CLASP1: variants seen among roughly 807,000 people sequenced by gnomAD.
CLASP1 encodes the protein CLIP-associating protein 1.
In CLASP1, 38 loss-of-function variants were observed where a neutral mutation model predicts 192.3. The ratio of observed to expected loss-of-function variants is 0.20; its 90% CI spans 0.15 to 0.26. The LOEUF (loss-of-function observed/expected upper bound fraction) is 0.26, where lower values mean the gene tolerates loss of function less well. Ranked by LOEUF, CLASP1 falls within the 10% of genes least tolerant of loss-of-function variation. The pLI is 1.00. For missense variants in CLASP1, 1,433 were observed against 1,932.5 expected (o/e 0.74, Z 4.85); for synonymous variants, 691 against 712.8 (o/e 0.97, Z 0.49).
chr2:121,412,546 G>A (rs2077892988), intron 23 of CLASP1, among the ~76,000 whole-genome samples: 1 of 149,532 alleles, frequency 6.7e-6, no homozygotes, highest in Admixed American at 6.7e-5. Flanking sequence ...TCAATTATAA[G>A]CCATTAAAAA....
intron 2 of CLASP1, among the ~76,000 whole-genome samples, chr2:121,535,848 G>A (rs114916259): frequency 0.038 from 5,728 of 151,914 alleles, 377 homozygotes; most frequent in African/African-American, 0.13. Context: ...CTTTTGTAGA[G>A]GAGAGGTTTT....
chr2:121,641,025 A>AT (rs913709831), intron 1 of CLASP1, among the ~76,000 whole-genome samples: 3 of 152,192 alleles, frequency 2.0e-5, no homozygotes, highest in African/African-American at 7.2e-5. Flanking sequence ...AACTTAAATA[A>AT]AACAGCCACC....
At chr2:121,338,511 G>A (rs889504379) in exon 40 of CLASP1, 3 of 152,672 alleles carry the variant, frequency 2.0e-5, no homozygotes, top group African/African-American at 7.2e-5. Flanking sequence ...ATTGGAACAG[G>A]GGCCCTGCAG....
intron 31 of CLASP1, 21 bp from the exon 33 acceptor site, chr2:121,387,249 C>A: frequency 6.7e-7 from 1 of 1,499,056 alleles, no homozygotes; most frequent in Non-Finnish European, 9.0e-7. Flanking sequence ...GCAGAATAGG[C>A]ATCGTTATTC....
chr2:121,386,967 C>T (rs781516879), intron 32 of CLASP1, among the ~76,000 whole-genome samples, 155 bp downstream of exon 33: 20 of 152,206 alleles, frequency 1.3e-4, no homozygotes, highest in Non-Finnish European at 2.6e-4. Flanking sequence ...TAAGATTATA[C>T]AGTTACAATT....
chr2:121,484,217 T>C (rs1161548604), intron 8 of CLASP1, among the ~76,000 whole-genome samples: 1 of 152,218 alleles, frequency 6.6e-6, no homozygotes, highest in South Asian at 2.1e-4. Context: ...CACACTTTGA[T>C]CATATGCTCA....
intron 2 of CLASP1, among the ~76,000 whole-genome samples, chr2:121,568,588 C>T (rs1264619923): frequency 6.6e-6 from 1 of 151,386 alleles, no homozygotes; most frequent in Non-Finnish European, 1.5e-5. Context: ...GATTTTTCCA[C>T]ATAACTGAGG....
intron 2 of CLASP1, among the ~76,000 whole-genome samples, chr2:121,580,264 A>G (rs575723141): frequency 7.9e-5 from 12 of 152,308 alleles, no homozygotes; most frequent in African/African-American, 2.6e-4. Context: ...TTTTACAACA[A>G]ATCTTTTATT....
chr2:121,357,084 C>T (rs990998902), intron 37 of CLASP1, among the ~76,000 whole-genome samples: 2 of 152,150 alleles, frequency 1.3e-5, no homozygotes, highest in Non-Finnish European at 1.5e-5. Context: ...ATTTCCTAGC[C>T]TAACGCTGAC....
rs761594795 is a variant in CLASP1 at position 121,447,387 on chromosome 2, G to A, written c.1862C>T (p.Thr621Met). ...CAAAGCTGCTGCAGAGCTGAAAGGC[G>A]TCGTGCCCGAAGATGAGGAGACTTT... The change falls in exon 19 of 40, where the codon ACG (threonine) becomes ATG (methionine). Residue 621 changes from threonine (T) to methionine (M), a missense_variant. Physicochemically the swap from Thr to Met is moderately conservative, Grantham distance 81. Transcript: ENST00000263710. 1.1e-5 allele frequency: 18 copies of A among 1,584,372 alleles called. No individual in the cohort carries two copies. The highest frequency in any genetic ancestry group is 5.4e-5 in the Admixed American group (3 of 55,366).
chr2:121,572,534 A>T (rs1162417501), intron 2 of CLASP1, among the ~76,000 whole-genome samples: 1 of 152,188 alleles, frequency 6.6e-6, no homozygotes, highest in African/African-American at 2.4e-5. Flanking sequence ...AGAGAAAAAA[A>T]CTACTAAAAT....
At chr2:121,445,936 A>G (rs1242554114) in intron 19 of CLASP1, among the ~76,000 whole-genome samples, 1 of 152,238 alleles carries the variant, frequency 6.6e-6, no homozygotes, top group Non-Finnish European at 1.5e-5. Context: ...TGGATCTAAT[A>G]TACTAAAGCA....
intron 2 of CLASP1, among the ~76,000 whole-genome samples, chr2:121,546,493 G>A (rs994330743): frequency 6.6e-6 from 1 of 151,968 alleles, no homozygotes; most frequent in Non-Finnish European, 1.5e-5. Flanking sequence ...AAGGCAGGAC[G>A]GTGGCCCACT....
At chr2:121,610,586 AGAAGGAG>A (rs2105960819) in intron 1 of CLASP1, among the ~76,000 whole-genome samples, 1 of 141,400 alleles carries the variant, frequency 7.1e-6, no homozygotes, top group East Asian at 2.2e-4. Flanking sequence ...GAGGAACTGG[AGAAGGAG>A]GAGGAGGAGT....
At chr2:121,553,441 C>T (rs1559595176) in intron 2 of CLASP1, among the ~76,000 whole-genome samples, 2 of 152,114 alleles carry the variant, frequency 1.3e-5, no homozygotes, top group Non-Finnish European at 2.9e-5. Context: ...TGGTGGCACA[C>T]GCCTGTAATC....
rs1559371297 is a variant in CLASP1, at chr2:121,479,055, C to CA, written c.713-9096_713-9095insT. 2.9e-3 allele frequency among the ~76,000 whole-genome samples: 275 copies of CA among 94,066 alleles called. 11 individuals are homozygous for CA. Among genetic ancestry groups the CA allele is most frequent in the East Asian group, 6.7e-3 (22 of 3,270 alleles). 61.7% of individuals were successfully genotyped at this position (94,066 alleles called of 152,430 possible). Reference sequence around the variant, plus strand: ...ACCCCACACACACACACACCCCCCCCCCACACACACACACACACACCATCA... The same window carrying CA: ...ACCCCACACACACACACACCCCCCCCACCACACACACACACACACACCATCA... On this transcript the variant is annotated intron_variant, in intron 8 of 39. Coordinates refer to ENST00000263710, the Ensembl canonical transcript of CLASP1.
intron 19 of CLASP1, 26 bp from the exon 20 acceptor site, chr2:121,430,203 T>C (rs772357661): frequency 4.2e-5 from 63 of 1,517,162 alleles, no homozygotes; most frequent in Non-Finnish European, 5.4e-5. Flanking sequence ...AAAACAGTGT[T>C]TCACAACATT....
At chr2:121,378,212 C>T (rs980761676) in intron 33 of CLASP1, among the ~76,000 whole-genome samples, 8 of 152,136 alleles carry the variant, frequency 5.3e-5, no homozygotes, top group African/African-American at 1.9e-4. Flanking sequence ...ACCCTATGAA[C>T]AGGCCCAGAA....
chr2:121,539,385 A>C (rs2104972159), intron 2 of CLASP1, among the ~76,000 whole-genome samples: 1 of 152,326 alleles, frequency 6.6e-6, no homozygotes, highest in Admixed American at 6.5e-5. Context: ...GGCATTACAG[A>C]GCAGTGACAA....
Sources: gnomAD v4.1 joint callset for allele counts (sites outside exome capture counted in the v4.1 genomes callset) on GRCh38, gnomAD v4.1.1 for gene constraint, MANE v1.5 for transcripts, NCBI Gene and HGNC (gene_info 2026-07-23, HGNC 2026-07-21) for gene names.